SLC71A1: variants seen among roughly 807,000 people sequenced by gnomAD.
The protein encoded by SLC71A1 is solute carrier family 71 member 1.
chr1:100,080,284 A>C, the SLC71A1 span: 1 of 458,720 alleles, frequency 2.2e-6, no homozygotes, highest in Non-Finnish European at 3.9e-6. Context: ...ATATGGGTAC[A>C]TCAGAGCTCA....
chr1:100,056,967 T>G, the SLC71A1 span, among the ~76,000 whole-genome samples: 1 of 152,242 alleles, frequency 6.6e-6, no homozygotes, highest in Non-Finnish European at 1.5e-5. Flanking sequence ...TTGGTCACTT[T>G]GAGAAATGTC....
chr1:100,075,839 G>A, the SLC71A1 span, among the ~76,000 whole-genome samples: 1 of 152,154 alleles, frequency 6.6e-6, no homozygotes, highest in Non-Finnish European at 1.5e-5. Flanking sequence ...CCACCAGCCT[G>A]GCTAATTTTT....
At chr1:100,043,659 A>T in the SLC71A1 span, among the ~76,000 whole-genome samples, 108 of 152,292 alleles carry the variant, frequency 7.1e-4, 1 homozygote, top group African/African-American at 2.5e-3. Flanking sequence ...ATTTTAGTGC[A>T]CCTGTCACCT....
the SLC71A1 span, among the ~76,000 whole-genome samples, chr1:100,040,167 A>G: frequency 6.6e-6 from 1 of 152,208 alleles, no homozygotes; most frequent in Non-Finnish European, 1.5e-5. Context: ...TTTGTTTTGT[A>G]TGTTTGGATC....
chr1:100,065,061 A>AT, the SLC71A1 span, among the ~76,000 whole-genome samples: 1 of 151,928 alleles, frequency 6.6e-6, no homozygotes, highest in East Asian at 1.9e-4. Flanking sequence ...TTTTGTAGTG[A>AT]TGGAGTTTCA....
chr1:100,039,245 GAT>G, the SLC71A1 span, among the ~76,000 whole-genome samples: 6,722 of 152,296 alleles, frequency 0.044, 172 homozygotes, highest in African/African-American at 0.06. Context: ...ATGGAAAGGT[GAT>G]ATATATGTTT....
the SLC71A1 span, chr1:100,043,090 G>C: frequency 1.0e-6 from 1 of 985,086 alleles, no homozygotes; most frequent in Non-Finnish European, 1.2e-6. Flanking sequence ...TATGCATCCA[G>C]TTCATCCTCA....
chr1:100,082,151 A>G, the SLC71A1 span: 14 of 1,614,050 alleles, frequency 8.7e-6, no homozygotes, highest in Non-Finnish European at 1.2e-5. Flanking sequence ...AGCCATCCTC[A>G]TAATACACAA....
the SLC71A1 span, among the ~76,000 whole-genome samples, chr1:100,048,389 A>G: frequency 1.3e-3 from 195 of 152,272 alleles, no homozygotes; most frequent in Non-Finnish European, 2.1e-3. Context: ...CATGTTGGCA[A>G]GGCTGGTCTC....
chr1:100,082,997 C>T, the SLC71A1 span: 1 of 152,400 alleles, frequency 6.6e-6, no homozygotes, highest in South Asian at 2.1e-4. Flanking sequence ...AAGCTGGTAG[C>T]CTTGAAAATG....
At chr1:100,059,144 GTT>G in the SLC71A1 span, among the ~76,000 whole-genome samples, 77 of 75,414 alleles carry the variant, frequency 1.0e-3, no homozygotes, top group African/African-American at 4.3e-3. Context: ...TCTTTTTCGT[GTT>G]TTTTTTTTTT....
chr1:100,076,951 T>C, the SLC71A1 span, among the ~76,000 whole-genome samples: 1 of 152,224 alleles, frequency 6.6e-6, no homozygotes, highest in Non-Finnish European at 1.5e-5. Context: ...GTTTTATCTT[T>C]CAGTTTTCTA....
the SLC71A1 span, among the ~76,000 whole-genome samples, chr1:100,063,016 T>TA: frequency 6.6e-6 from 1 of 152,078 alleles, no homozygotes; most frequent in Non-Finnish European, 1.5e-5. Context: ...CCAGGATATT[T>TA]AAAAAATAGT....
At chr1:100,038,648 C>T in the SLC71A1 span, among the ~76,000 whole-genome samples, 15 of 152,180 alleles carry the variant, frequency 9.9e-5, no homozygotes, top group Non-Finnish European at 1.8e-4. Context: ...GCGGCCCGCC[C>T]GCCGCGCCCC....
the SLC71A1 span, chr1:100,058,668 A>G: frequency 4.6e-6 from 7 of 1,530,278 alleles, no homozygotes; most frequent in Admixed American, 8.5e-5. Context: ...TTCTTTAGGT[A>G]TTACATGAAA....
At chr1:100,071,347 T>C in the SLC71A1 span, among the ~76,000 whole-genome samples, 1 of 145,648 alleles carries the variant, frequency 6.9e-6, no homozygotes, top group Non-Finnish European at 1.5e-5. Flanking sequence ...GGTGTGTGCC[T>C]GTAGTCCCAG....
chr1:100,056,369 A>G, the SLC71A1 span, among the ~76,000 whole-genome samples: 1 of 152,210 alleles, frequency 6.6e-6, no homozygotes, highest in Non-Finnish European at 1.5e-5. Context: ...CTGTGTGTAT[A>G]AATACATTTT....
the SLC71A1 span, among the ~76,000 whole-genome samples, chr1:100,076,070 A>G: frequency 6.6e-6 from 1 of 152,194 alleles, no homozygotes; most frequent in African/African-American, 2.4e-5. Context: ...ATATAATTCT[A>G]CATGGAACTC....
At chr1:100,040,448 A>G in the SLC71A1 span, among the ~76,000 whole-genome samples, 1 of 152,060 alleles carries the variant, frequency 6.6e-6, no homozygotes, top group Non-Finnish European at 1.5e-5. Flanking sequence ...TCAGACTACT[A>G]TTATGAACTT....
Sources: gnomAD v4.1 joint callset for allele counts (sites outside exome capture counted in the v4.1 genomes callset) on GRCh38, gnomAD v4.1.1 for gene constraint, MANE v1.5 for transcripts, NCBI Gene and HGNC (gene_info 2026-07-23, HGNC 2026-07-21) for gene names.